The following EXOG variants were observed in gnomAD, a reference collection of about 807,000 sequenced individuals.
EXOG encodes nuclease EXOG, mitochondrial.
Under a neutral mutation model 25.8 loss-of-function variants are expected in EXOG, and 27 were observed. The ratio of observed to expected loss-of-function variants is 1.05; its 90% CI spans 0.77 to 1.45. The LOEUF (loss-of-function observed/expected upper bound fraction) is 1.45. Among genes scored for constraint, EXOG ranks in the 40% most tolerant of loss-of-function variants. The pLI is 0.00. For missense variants in EXOG, 458 were observed against 450.5 expected (o/e 1.02, Z -0.15); for synonymous variants, 133 against 167.0 (o/e 0.80, Z 1.57).
At chr3:38,517,840 C>T (rs1448939953) in intron 5 of EXOG, among the ~76,000 whole-genome samples, 1 of 152,178 alleles carries the variant, frequency 6.6e-6, no homozygotes, top group East Asian at 1.9e-4. Context: ...TCAGTTTTCT[C>T]AGAAGCATAT....
At chr3:38,502,874 A>T (rs1383549026) in intron 3 of EXOG, among the ~76,000 whole-genome samples, 1 of 152,136 alleles carries the variant, frequency 6.6e-6, no homozygotes, top group African/African-American at 2.4e-5. Context: ...ACTATTGGTG[A>T]TTATGTCATT....
chr3:38,497,925 C>G, intron 2 of EXOG, 147 bp downstream of exon 2: 1 of 1,051,070 alleles, frequency 9.5e-7, no homozygotes, highest in Admixed American at 3.6e-5. Flanking sequence ...CTGGTTAAAT[C>G]AACCCTGCCT....
intron 5 of EXOG, among the ~76,000 whole-genome samples, chr3:38,508,483 A>G (rs908897155): frequency 1.3e-5 from 2 of 152,332 alleles, no homozygotes; most frequent in African/African-American, 4.8e-5. Flanking sequence ...ATGTTATACT[A>G]TACTGTGAGG....
At chr3:38,509,229 T>C (rs925437241) in intron 5 of EXOG, among the ~76,000 whole-genome samples, 1 of 152,216 alleles carries the variant, frequency 6.6e-6, no homozygotes, top group African/African-American at 2.4e-5. Flanking sequence ...ATTACAGTTT[T>C]ATTTGTGCTT....
intron 5 of EXOG, among the ~76,000 whole-genome samples, chr3:38,520,627 A>T (rs1303725901): frequency 6.6e-6 from 1 of 152,100 alleles, no homozygotes; most frequent in African/African-American, 2.4e-5. Context: ...CCTCTGTAAA[A>T]CCATCTTTTG....
chr3:38,506,413 C>T (rs2060203302), intron 4 of EXOG, among the ~76,000 whole-genome samples: 2 of 152,020 alleles, frequency 1.3e-5, no homozygotes, highest in Admixed American at 6.5e-5. Flanking sequence ...AATTCTGGTC[C>T]TTGAAATTTA....
At chr3:38,501,912 A>G (rs992079116) in intron 3 of EXOG, among the ~76,000 whole-genome samples, 1 of 151,468 alleles carries the variant, frequency 6.6e-6, no homozygotes, top group African/African-American at 2.4e-5. Context: ...TGCTCAGCTA[A>G]TTTTTGTTTG....
chr3:38,525,256 A>T lies in EXOG; in HGVS notation c.*894A>T, dbSNP rs2060842800. 9 of 985,246 alleles carry T rather than the reference A, an allele frequency of 9.1e-6. No individual in the cohort carries two copies. The highest frequency in any genetic ancestry group is 1.1e-5 in the Non-Finnish European group (9 of 829,752). 61.0% of individuals were successfully genotyped at this position (985,246 alleles called of 1,614,324 possible). ...TGAGTTTCACTTTTCCAAAGTAGTC[A>T]TCCACAAAGTATGAGGCAGACAGAT... On this transcript the variant is annotated 3_prime_UTR_variant, in exon 6 of 6. Coordinates refer to ENST00000287675, the MANE Select transcript of EXOG (RefSeq NM_005107.4).
rs775647946 is a variant in EXOG at position 38,506,897 on chromosome 3, G to C, written c.574G>C (p.Val192Leu). Residue 192 changes from valine to leucine, a missense_variant, in exon 5 of 6, where the codon GTT becomes CTT. By Grantham distance (32) the Val-to-Leu change is conservative. Around this residue, in one of 3 missense-constraint regions of EXOG, gnomAD observed 178 missense variants for 203.7 expected, o/e 0.87. Coordinates refer to ENST00000287675, the MANE Select transcript of EXOG (RefSeq NM_005107.4). ...AGAGCTGACAGAAAGGTTTGAAGAT[G>C]TTTGGGTGGTATCTGGGCCTTTGAC... is the stretch of plus-strand genomic sequence containing the variant. ...CRELTERFED[V>L]WVVSGPLTLP... 1.2e-6 allele frequency: 2 copies of C among 1,606,750 alleles called. No individual in the cohort carries two copies. The highest frequency in any genetic ancestry group is 8.5e-7 in the Non-Finnish European group (1 of 1,173,576).
At chr3:38,518,867 A>G (rs2060625526) in intron 5 of EXOG, among the ~76,000 whole-genome samples, 1 of 152,236 alleles carries the variant, frequency 6.6e-6, no homozygotes, top group African/African-American at 2.4e-5. Flanking sequence ...TCTCAGGCAT[A>G]TAGCTTATAA....
At chr3:38,496,843 A>C in intron 1 of EXOG, 1 of 1,341,368 alleles carries the variant, frequency 7.5e-7, no homozygotes, top group Non-Finnish European at 9.8e-7. Context: ...CTCTACTAAG[A>C]TTGTTAGCTC....
intron 5 of EXOG, among the ~76,000 whole-genome samples, chr3:38,519,865 TTG>T (rs2060658416): frequency 6.6e-6 from 1 of 152,204 alleles, no homozygotes; most frequent in Non-Finnish European, 1.5e-5. Context: ...TTACCACACT[TTG>T]TGACTCCCTC....
At chr3:38,514,767 C>T (rs1373428386) in intron 5 of EXOG, among the ~76,000 whole-genome samples, 1 of 120,448 alleles carries the variant, frequency 8.3e-6, no homozygotes, top group Non-Finnish European at 1.6e-5. Context: ...ACCCTCCCCC[C>T]CCTCCCCCTG....
At chr3:38,503,371 T>C (rs2060104190) in intron 3 of EXOG, among the ~76,000 whole-genome samples, 1 of 152,230 alleles carries the variant, frequency 6.6e-6, no homozygotes, top group South Asian at 2.1e-4. Context: ...ATTCACGTTA[T>C]AGGTTTGGAT....
chr3:38,524,317 C>G lies in EXOG; in HGVS notation c.1062C>G (p.Leu354=). The G allele has an allele frequency of 1.9e-6, 3 of 1,612,676 alleles. No homozygotes were observed. Among genetic ancestry groups the G allele is most frequent in the Non-Finnish European group, 2.5e-6 (3 of 1,179,682 alleles). Reference sequence around the variant, plus strand: ...GCTATGAGAAGAAGCTAGAAGAACTCAAAGCTAAGGAGCAGTCAGGAACCC... The same window carrying G: ...GCTATGAGAAGAAGCTAGAAGAACTGAAAGCTAAGGAGCAGTCAGGAACCC... ...MSRYEKKLEE[L]KAKEQSGTQI... is the part of the protein sequence containing the mutation. Residue 354 remains leucine (L), a synonymous_variant, in exon 6 of 6, where the codon CTC becomes CTG. Coordinates refer to ENST00000287675, the MANE Select transcript of EXOG (RefSeq NM_005107.4).
At chr3:38,507,908 C>T (rs1392169672) in intron 5 of EXOG, among the ~76,000 whole-genome samples, 1 of 151,972 alleles carries the variant, frequency 6.6e-6, no homozygotes, top group Admixed American at 6.6e-5. Flanking sequence ...CCGAGGCAGG[C>T]GATCACGAGG....
At chr3:38,521,589 G>A (rs766769300) in intron 5 of EXOG, among the ~76,000 whole-genome samples, 9 of 152,212 alleles carry the variant, frequency 5.9e-5, no homozygotes, top group Admixed American at 4.6e-4. Context: ...ACAAGGTGGC[G>A]CAAAGACTTT....
intron 5 of EXOG, 90 bp downstream of exon 5, chr3:38,507,058 C>CA: frequency 2.2e-5 from 13 of 582,262 alleles, no homozygotes; most frequent in Non-Finnish European, 3.5e-5. Flanking sequence ...TTTTATCATT[C>CA]AAAAAAAATT....
chr3:38,497,604 C>CTTTTT, intron 1 of EXOG, 25 bp from the exon 2 acceptor site: 1 of 1,412,226 alleles, frequency 7.1e-7, no homozygotes, highest in Non-Finnish European at 9.4e-7. Flanking sequence ...TCTGCCCCCC[C>CTTTTT]TTTTTTTTTT....
Sources: gnomAD v4.1 joint callset for allele counts (sites outside exome capture counted in the v4.1 genomes callset) on GRCh38, gnomAD v4.1.1 for gene constraint, gnomAD v4.1.1 regional missense constraint, MANE v1.5 for transcripts, NCBI Gene and HGNC (gene_info 2026-07-23, HGNC 2026-07-21) for gene names.